The following PPFIA2 variants were observed in gnomAD, a reference collection of about 807,000 sequenced individuals.
The protein encoded by PPFIA2 is liprin-alpha-2.
In PPFIA2, 46 loss-of-function variants were observed where a neutral mutation model predicts 175.5. The observed-to-expected ratio is 0.26, with a 90% CI of 0.21 to 0.34. The LOEUF (loss-of-function observed/expected upper bound fraction) is 0.34. Ranked by LOEUF, PPFIA2 falls within the 10% of genes least tolerant of loss-of-function variation. The probability of loss-of-function intolerance (pLI) is 1.00; values close to 1 mark genes in which losing one functional copy is unlikely to be tolerated. For missense variants in PPFIA2, 1,179 were observed against 1,506.1 expected (o/e 0.78, Z 3.60); for synonymous variants, 568 against 511.4 (o/e 1.11, Z -1.49).
rs377309697 is a variant in PPFIA2 at position 81,445,649 on chromosome 12, C to A, written c.477G>T (p.Arg159=). ...ATACTCCTGAGGGAGACTGGGCTTG[C>A]CGTTTTACCACCGTCATTCTTAGTG... The part of the protein sequence containing the change: ...ERSLRMTVVK[R]QAQSPSGVSS... The change falls in exon 6 of 33, where the codon CGG becomes CGT. Residue 159 remains arginine, a synonymous_variant. Transcript: ENST00000549396. 10 of 1,613,732 alleles carry A rather than the reference C, an allele frequency of 6.2e-6. No homozygotes were observed. Among genetic ancestry groups the A allele is most frequent in the African/African-American group, 5.3e-5 (4 of 74,904 alleles).
At chr12:81,715,998 TTAATA>T (rs201272951) in intron 3 of PPFIA2, among the ~76,000 whole-genome samples, 2,297 of 151,630 alleles carry the variant, frequency 0.015, 30 homozygotes, top group South Asian at 0.042. Context: ...TAACAAATAT[TTAATA>T]TATTTATTGA....
At chr12:81,524,268 G>T (rs1397538673) in intron 4 of PPFIA2, among the ~76,000 whole-genome samples, 1 of 152,112 alleles carries the variant, frequency 6.6e-6, no homozygotes, top group Non-Finnish European at 1.5e-5. Context: ...GAAGAGCTCT[G>T]GTGTGGGCCG....
intron 4 of PPFIA2, among the ~76,000 whole-genome samples, chr12:81,476,992 T>C (rs890191790): frequency 5.3e-5 from 8 of 151,714 alleles, no homozygotes; most frequent in African/African-American, 1.9e-4. Flanking sequence ...CTCACTGATA[T>C]GTGGGAGCTG....
At chr12:81,262,130 ATTCCG>A in intron 31 of PPFIA2, 90 bp from the exon 32 acceptor site, 8 of 889,348 alleles carry the variant, frequency 9.0e-6, no homozygotes, top group Non-Finnish European at 1.5e-5. Flanking sequence ...GCATACAGGG[ATTCCG>A]AACATATTAG....
intron 21 of PPFIA2, among the ~76,000 whole-genome samples, chr12:81,331,355 G>A (rs1190278868): frequency 6.6e-6 from 1 of 152,134 alleles, no homozygotes; most frequent in Non-Finnish European, 1.5e-5. Context: ...GTAGGTAGTA[G>A]GTTATATTAT....
intron 30 of PPFIA2, among the ~76,000 whole-genome samples, chr12:81,263,850 T>C (rs1056913835): frequency 6.6e-6 from 1 of 152,244 alleles, no homozygotes; most frequent in Non-Finnish European, 1.5e-5. Flanking sequence ...TGGGGAAATC[T>C]ATATTTGAGA....
intron 2 of PPFIA2, 117 bp downstream of exon 2, chr12:81,758,283 C>T (rs533844064): frequency 4.7e-5 from 20 of 425,294 alleles, no homozygotes; most frequent in African/African-American, 1.2e-4. Flanking sequence ...AGGCACCTAA[C>T]GGTAATCAAC....
chr12:81,535,994 T>G (rs552948114), intron 4 of PPFIA2, among the ~76,000 whole-genome samples: 4 of 151,816 alleles, frequency 2.6e-5, no homozygotes, highest in African/African-American at 9.6e-5. Context: ...AGGCAGGTCA[T>G]AAAAAACAAG....
In PPFIA2 at chr12:81,522,517, T is replaced by C. The variant is rs1156263491; in HGVS notation, c.304-64651A>G. Among the ~76,000 whole-genome samples, 5 of 152,196 alleles carry C rather than the reference T, an allele frequency of 3.3e-5. No homozygotes were observed. In the East Asian group the frequency reaches 5.8e-4, roughly 18 times the overall value. ...GCACTACATCTCTGTAAGTATACAATAGGAAAATTTCTGAATGAGAAATTA... is the reference window on the plus strand; with the variant it reads ...GCACTACATCTCTGTAAGTATACAACAGGAAAATTTCTGAATGAGAAATTA... On this transcript the variant is annotated intron_variant, in intron 4 of 32. Coordinates refer to ENST00000549396, the MANE Select transcript of PPFIA2 (RefSeq NM_003625.5).
chr12:81,614,197 G>T (rs540611829), intron 4 of PPFIA2, among the ~76,000 whole-genome samples: 1 of 152,104 alleles, frequency 6.6e-6, no homozygotes, highest in Admixed American at 6.5e-5. Flanking sequence ...TAATCCCCCT[G>T]CACATATTCA....
intron 5 of PPFIA2, among the ~76,000 whole-genome samples, chr12:81,454,015 C>T (rs1030574982): frequency 1.3e-5 from 2 of 151,986 alleles, no homozygotes; most frequent in African/African-American, 4.8e-5. Flanking sequence ...CCCAGGAGTT[C>T]GAGACAAGTC....
intron 3 of PPFIA2, among the ~76,000 whole-genome samples, chr12:81,731,807 T>C (rs978917576): frequency 2.0e-5 from 3 of 151,590 alleles, no homozygotes; most frequent in Admixed American, 6.6e-5. Flanking sequence ...CCTCTAGTCA[T>C]AGAATGGTGG....
intron 4 of PPFIA2, among the ~76,000 whole-genome samples, chr12:81,531,525 A>C (rs1437000802): frequency 6.6e-6 from 1 of 151,756 alleles, no homozygotes; most frequent in East Asian, 1.9e-4. Context: ...TAAATAGATC[A>C]CATTTAGTCA....
intron 4 of PPFIA2, among the ~76,000 whole-genome samples, chr12:81,570,445 CGAGGTGATGAGAGTTGGTTTGTGA>C (rs1393478828): frequency 2.0e-5 from 3 of 151,772 alleles, no homozygotes; most frequent in Non-Finnish European, 4.4e-5. Context: ...TGTGTTTGGG[CGAGGTGATGAGAGTTGGTTTGTGA>C]GCAGTAAGGG....
At chr12:81,489,661 T>A (rs1016830319) in intron 4 of PPFIA2, among the ~76,000 whole-genome samples, 3 of 151,952 alleles carry the variant, frequency 2.0e-5, no homozygotes, top group African/African-American at 7.2e-5. Context: ...CACTGCTCCA[T>A]ATATTTGTGT....
chr12:81,390,321 A>G (rs976593039), intron 8 of PPFIA2, among the ~76,000 whole-genome samples: 2 of 152,050 alleles, frequency 1.3e-5, no homozygotes, highest in African/African-American at 2.4e-5. Context: ...TTGATGGACC[A>G]TATGACAATT....
chr12:81,550,495 TTGAAGG>T (rs1287638479), intron 4 of PPFIA2, among the ~76,000 whole-genome samples: 1 of 151,982 alleles, frequency 6.6e-6, no homozygotes, highest in Non-Finnish European at 1.5e-5. Flanking sequence ...GTGATATATT[TTGAAGG>T]TCTAAGTAAG....
At chr12:81,343,066 A>G (rs1029658805) in intron 19 of PPFIA2, among the ~76,000 whole-genome samples, 2 of 152,046 alleles carry the variant, frequency 1.3e-5, no homozygotes, top group Non-Finnish European at 2.9e-5. Context: ...TAAATGTTGA[A>G]TAAATAGGCT....
chr12:81,601,148 G>A (rs1847365650), intron 4 of PPFIA2, among the ~76,000 whole-genome samples: 1 of 151,868 alleles, frequency 6.6e-6, no homozygotes, highest in Non-Finnish European at 1.5e-5. Context: ...ATAGATTAAT[G>A]TTAAAAGAGG....
Sources: gnomAD v4.1 joint callset for allele counts (sites outside exome capture counted in the v4.1 genomes callset) on GRCh38, gnomAD v4.1.1 for gene constraint, MANE v1.5 for transcripts, NCBI Gene and HGNC (gene_info 2026-07-23, HGNC 2026-07-21) for gene names.